Variants in CPA6 observed in about 807,000 individuals in gnomAD.
CPA6 encodes carboxypeptidase B.
A neutral mutation model predicts 63.3 loss-of-function variants in CPA6; 58 were observed. That is an observed-to-expected ratio of 0.92 (90% confidence interval 0.74 to 1.14). The LOEUF is 1.14. Ranked by LOEUF, CPA6 falls within the 50% of genes most tolerant of loss-of-function variation. CPA6 has a pLI of 0.00. For synonymous variants in CPA6, 185 were observed against 179.0 expected, an observed-to-expected ratio of 1.03 and a Z score of -0.27; for missense variants, 565 against 526.6, an observed-to-expected ratio of 1.07 and a Z score of -0.71.
intron 8 of CPA6, among the ~76,000 whole-genome samples, chr8:67,468,404 G>A (rs1810977542): frequency 6.6e-6 from 1 of 151,590 alleles, no homozygotes; most frequent in African/African-American, 2.4e-5. Context: ...CCAACATGGA[G>A]AAACCCTGTC....
intron 8 of CPA6, among the ~76,000 whole-genome samples, chr8:67,449,807 T>C (rs1024115840): frequency 1.5e-5 from 2 of 132,304 alleles, no homozygotes; most frequent in African/African-American, 2.9e-5. Flanking sequence ...ACCCAAGCCA[T>C]CTCTTTTTTT....
rs1347728899 is a variant in CPA6 at position 67,488,697 on chromosome 8, C to A, written c.637-3908G>T. 2.0e-5 allele frequency among the ~76,000 whole-genome samples: 3 copies of A among 152,204 alleles called. No homozygotes were observed. The East Asian group carries it at 5.8e-4, about 29-fold the overall frequency. The stretch of plus-strand genomic sequence containing the variant: ...TTCCTATCCATGAGCATGGAATGTT[C>A]TTCCATTTGTTTGTGTCCTCTTTTA... On this transcript the variant is annotated intron_variant, in intron 6 of 10. Transcript: ENST00000297770.
chr8:67,632,540 G>C (rs1815366407), intron 1 of CPA6, among the ~76,000 whole-genome samples: 1 of 152,024 alleles, frequency 6.6e-6, no homozygotes, highest in Non-Finnish European at 1.5e-5. Flanking sequence ...TCGAATTCCT[G>C]GACTCAAGTA....
Position 67,594,709 on chromosome 8 carries a change from G to C in CPA6, c.192+29467C>G, listed in dbSNP as rs1270207511. Among the ~76,000 whole-genome samples the C allele has an allele frequency of 5.9e-5, 9 of 151,982 alleles. No homozygotes were observed. The East Asian group carries it at 1.7e-3, about 29-fold the overall frequency. The stretch of plus-strand genomic sequence containing the variant: ...CTTCTGCATTCTTCATGTAGTTCTC[G>C]AGCCTTGGCTTTCAGCTCCATCAGC... On this transcript the variant is annotated intron_variant, in intron 2 of 10. Coordinates refer to ENST00000297770, the MANE Select transcript of CPA6 (RefSeq NM_020361.5).
At chr8:67,467,985 G>C (rs1428721514) in intron 8 of CPA6, among the ~76,000 whole-genome samples, 1 of 151,660 alleles carries the variant, frequency 6.6e-6, no homozygotes, top group African/African-American at 2.4e-5. Context: ...TTGAACCCGG[G>C]AGGTGGAGGT....
chr8:67,663,673 C>A (rs2128993246), intron 1 of CPA6, among the ~76,000 whole-genome samples: 1 of 152,224 alleles, frequency 6.6e-6, no homozygotes, highest in East Asian at 1.9e-4. Flanking sequence ...GCTTCCAGCT[C>A]CATCAATATT....
At chr8:67,628,887 C>T (rs149170790) in intron 1 of CPA6, among the ~76,000 whole-genome samples, 4,112 of 152,236 alleles carry the variant, frequency 0.027, 178 homozygotes, top group African/African-American at 0.09. Flanking sequence ...GAGGCCGAGG[C>T]AGGTGGATCA....
At chr8:67,665,528 A>G (rs997033138) in intron 1 of CPA6, among the ~76,000 whole-genome samples, 5 of 152,248 alleles carry the variant, frequency 3.3e-5, no homozygotes, top group Non-Finnish European at 7.3e-5. Context: ...TTTAAAAATA[A>G]GTAGAAAACC....
intron 1 of CPA6, among the ~76,000 whole-genome samples, chr8:67,669,142 T>C (rs1004812367): frequency 5.3e-5 from 8 of 152,220 alleles, no homozygotes; most frequent in Admixed American, 1.3e-4. Context: ...CAAAGATCTA[T>C]TGTCAAAATT....
intron 2 of CPA6, among the ~76,000 whole-genome samples, chr8:67,623,919 C>T (rs894127758): frequency 3.3e-5 from 5 of 152,048 alleles, no homozygotes; most frequent in African/African-American, 1.2e-4. Flanking sequence ...ATTGCTTGAA[C>T]CCGGGAGGTG....
intron 2 of CPA6, among the ~76,000 whole-genome samples, chr8:67,578,829 A>G (rs888671765): frequency 6.6e-6 from 1 of 152,228 alleles, no homozygotes; most frequent in Non-Finnish European, 1.5e-5. Context: ...CTATAAATCT[A>G]TATCTAAAAT....
intron 1 of CPA6, among the ~76,000 whole-genome samples, chr8:67,707,917 A>C (rs1817170990): frequency 6.6e-6 from 1 of 151,880 alleles, no homozygotes; most frequent in Non-Finnish European, 1.5e-5. Context: ...CCATCTCAAA[A>C]AAAAAAAAAA....
At chr8:67,675,792 A>G (rs6980851) in intron 1 of CPA6, among the ~76,000 whole-genome samples, 69,503 of 152,066 alleles carry the variant, frequency 0.46, 18,458 homozygotes, top group African/African-American at 0.75. Flanking sequence ...CTGTTGATCC[A>G]AAACACATTT....
Position 67,617,651 on chromosome 8 carries a change from A to G in CPA6, c.192+6525T>C, listed in dbSNP as rs537370775. Among the ~76,000 whole-genome samples the G allele has an allele frequency of 2.0e-5, 3 of 152,334 alleles. No homozygotes were observed. In the South Asian group the frequency reaches 6.2e-4, roughly 32 times the overall value. ...ATTAGATTTTTATTGCTAAATTACC[A>G]CAAGGTTAGCAGCTCAATTTTATTA... On this transcript the variant is annotated intron_variant, in intron 2 of 10. Coordinates refer to ENST00000297770, the MANE Select transcript of CPA6 (RefSeq NM_020361.5).
At chr8:67,439,602 GAAAGAA>G (rs756721225) in intron 8 of CPA6, among the ~76,000 whole-genome samples, 7 of 142,552 alleles carry the variant, frequency 4.9e-5, no homozygotes, top group Non-Finnish European at 7.7e-5. Flanking sequence ...AAAAAAAAAA[GAAAGAA>G]AAAGAAAAAG....
chr8:67,461,056 T>TTTTTC (rs1810790303), intron 8 of CPA6, among the ~76,000 whole-genome samples: 1 of 151,724 alleles, frequency 6.6e-6, no homozygotes, highest in African/African-American at 2.4e-5. Context: ...TTTCTTTTTT[T>TTTTTC]TTTTTTTTAA....
At chr8:67,562,063 A>G (rs1813225650) in intron 2 of CPA6, among the ~76,000 whole-genome samples, 1 of 152,150 alleles carries the variant, frequency 6.6e-6, no homozygotes, top group African/African-American at 2.4e-5. Flanking sequence ...AAAACAGAAA[A>G]TTAGAGCTCA....
At chr8:67,608,471 C>A (rs147973465) in intron 2 of CPA6, among the ~76,000 whole-genome samples, 34 of 152,330 alleles carry the variant, frequency 2.2e-4, no homozygotes, top group Middle Eastern at 3.4e-3. Context: ...CCGCTCCGTT[C>A]ACTTTCCAGC....
rs1484215459 is a variant in CPA6, at chr8:67,715,978, A to AC, written c.116+30035dup. On this transcript the variant is annotated intron_variant, in intron 1 of 10. Transcript: ENST00000297770. ...AGATCAGCCGGACCAACGTGGTGAA[A>AC]CCCCATCTCTACTAAAAATACAAAA... Among the ~76,000 whole-genome samples, 12 of 152,066 alleles carry AC rather than the reference A, an allele frequency of 7.9e-5. No individual in the cohort carries two copies. The East Asian group carries it at 2.1e-3, about 27-fold the overall frequency.
Sources: allele counts gnomAD v4.1 joint callset (sites outside exome capture counted in the v4.1 genomes callset), GRCh38; gene constraint gnomAD v4.1.1; transcripts MANE v1.5; gene names NCBI Gene and HGNC (gene_info 2026-07-23, HGNC 2026-07-21).